The following GPR39 variants were observed in gnomAD, a reference collection of about 807,000 sequenced individuals.
GPR39 encodes zinc sensing receptor.
Under a neutral mutation model 18.4 loss-of-function variants are expected in GPR39, and 23 were observed. The ratio of observed to expected loss-of-function variants is 1.25; its 90% confidence interval spans 0.90 to 1.77. GPR39 has a LOEUF of 1.77. GPR39 is among the 40% of genes most tolerant of loss of function. The pLI is 0.00. For missense variants in GPR39, 647 were observed against 602.4 expected, an observed-to-expected ratio of 1.07 and a Z score of -0.78; for synonymous variants, 280 against 257.9, an observed-to-expected ratio of 1.09 and a Z score of -0.82.
chr2:132,542,825 C>T (rs1024833438), intron 1 of GPR39, among the ~76,000 whole-genome samples: 2 of 152,126 alleles, frequency 1.3e-5, no homozygotes, highest in Non-Finnish European at 2.9e-5. Context: ...AGTAGGGTCC[C>T]CTTTATCTGA....
chr2:132,620,543 C>T (rs1011882643), intron 1 of GPR39, among the ~76,000 whole-genome samples: 1 of 152,156 alleles, frequency 6.6e-6, no homozygotes. Context: ...GCCCCTCCTT[C>T]CCCCCTGCGT....
chr2:132,456,792 T>A (rs1187218708), intron 1 of GPR39, among the ~76,000 whole-genome samples: 1 of 152,224 alleles, frequency 6.6e-6, no homozygotes, highest in Non-Finnish European at 1.5e-5. Flanking sequence ...TCTTTAAGCA[T>A]GTTGAATATT....
intron 1 of GPR39, among the ~76,000 whole-genome samples, chr2:132,457,677 A>C (rs1680755121): frequency 6.6e-6 from 1 of 152,242 alleles, no homozygotes; most frequent in African/African-American, 2.4e-5. Context: ...GCTGTCAGAC[A>C]GGGACGTTTA....
chr2:132,594,296 C>T (rs563031463), intron 1 of GPR39, among the ~76,000 whole-genome samples: 12 of 152,190 alleles, frequency 7.9e-5, no homozygotes, highest in African/African-American at 2.4e-4. Flanking sequence ...TTGACGCTTT[C>T]CTGGGTCTTT....
intron 1 of GPR39, among the ~76,000 whole-genome samples, chr2:132,547,105 C>G (rs1679964559): frequency 6.6e-6 from 1 of 152,056 alleles, no homozygotes; most frequent in Non-Finnish European, 1.5e-5. Flanking sequence ...TATGAGGAAG[C>G]CCACTAATTG....
At chr2:132,590,818 C>CGTGTGTGTGTGTGTGT (rs3066458) in intron 1 of GPR39, among the ~76,000 whole-genome samples, 12 of 144,006 alleles carry the variant, frequency 8.3e-5, no homozygotes, top group African/African-American at 2.8e-4. Flanking sequence ...AAGTATTGTT[C>CGTGTGTGTGTGTGTGT]GTGTGTGTGT....
intron 1 of GPR39, among the ~76,000 whole-genome samples, chr2:132,609,149 G>A (rs570359710): frequency 1.2e-4 from 19 of 152,318 alleles, no homozygotes; most frequent in African/African-American, 4.6e-4. Flanking sequence ...TAGGTACGCG[G>A]CCATGGGCCC....
chr2:132,547,419 AC>A (rs2104791515), intron 1 of GPR39, among the ~76,000 whole-genome samples: 1 of 152,286 alleles, frequency 6.6e-6, no homozygotes, highest in East Asian at 1.9e-4. Flanking sequence ...CAAAGCTGGG[AC>A]TGTCACACCC....
chr2:132,457,395 G>C (rs1435395703), intron 1 of GPR39, among the ~76,000 whole-genome samples: 3 of 152,082 alleles, frequency 2.0e-5, no homozygotes, highest in Non-Finnish European at 4.4e-5. Flanking sequence ...TTTTTTTAAG[G>C]TTTTTAGCTT....
chr2:132,495,728 T>C (rs1199882387), intron 1 of GPR39, among the ~76,000 whole-genome samples: 1 of 152,072 alleles, frequency 6.6e-6, no homozygotes, highest in Admixed American at 6.6e-5. Context: ...CTTGGAGAAA[T>C]TTTATCAGTA....
intron 1 of GPR39, among the ~76,000 whole-genome samples, chr2:132,579,058 T>C (rs955746240): frequency 2.0e-5 from 3 of 151,886 alleles, no homozygotes; most frequent in African/African-American, 7.2e-5. Flanking sequence ...GCCTAGATTA[T>C]TGATTTGAGA....
rs569813475 is a variant in GPR39 at position 132,630,563 on chromosome 2, T to G, written c.857-14538T>G. 1.3e-3 allele frequency among the ~76,000 whole-genome samples: 197 copies of G among 152,262 alleles called. 1 individual carries two copies. The highest frequency in any genetic ancestry group is 4.6e-3 in the African/African-American group (193 of 41,544). ...GGTTAATAACAAGCCATCGAAAGGT[T>G]TTAAGCAAGGAGGTGATGTGAACTC... On this transcript the variant is annotated intron_variant, in intron 1 of 1. Coordinates refer to ENST00000329321, the MANE Select transcript of GPR39 (RefSeq NM_001508.3).
intron 1 of GPR39, among the ~76,000 whole-genome samples, chr2:132,619,759 C>T (rs759011439): frequency 6.6e-5 from 10 of 151,946 alleles, no homozygotes; most frequent in Non-Finnish European, 1.2e-4. Flanking sequence ...CATATACTCT[C>T]ATCAGTCCTT....
chr2:132,448,570 G>C (rs749940494), intron 1 of GPR39, among the ~76,000 whole-genome samples: 1 of 152,176 alleles, frequency 6.6e-6, no homozygotes, highest in South Asian at 2.1e-4. Flanking sequence ...AGCTGATGCC[G>C]AGTGCTGCCT....
chr2:132,597,749 C>T (rs1680970967), intron 1 of GPR39, among the ~76,000 whole-genome samples: 1 of 152,116 alleles, frequency 6.6e-6, no homozygotes, highest in African/African-American at 2.4e-5. Flanking sequence ...ATAGGGGAAC[C>T]CAAGTCAAAC....
At chr2:132,611,992 A>C (rs1052482653) in intron 1 of GPR39, among the ~76,000 whole-genome samples, 1 of 152,170 alleles carries the variant, frequency 6.6e-6, no homozygotes, top group East Asian at 1.9e-4. Context: ...CCAAGCAAAC[A>C]TGTGAGTTCA....
At chr2:132,585,559 G>A (rs944619686) in intron 1 of GPR39, among the ~76,000 whole-genome samples, 3 of 152,196 alleles carry the variant, frequency 2.0e-5, no homozygotes, top group Non-Finnish European at 4.4e-5. Context: ...CTGTGTGTGC[G>A]GACGGGGCCT....
At chr2:132,599,615 T>A (rs768953643) in intron 1 of GPR39, among the ~76,000 whole-genome samples, 1 of 152,178 alleles carries the variant, frequency 6.6e-6, no homozygotes, top group African/African-American at 2.4e-5. Context: ...TGATACTTCA[T>A]CACCAAAATA....
intron 1 of GPR39, among the ~76,000 whole-genome samples, chr2:132,563,432 G>T (rs1050664606): frequency 6.6e-6 from 1 of 152,124 alleles, no homozygotes; most frequent in African/African-American, 2.4e-5. Flanking sequence ...AAACTAGCTC[G>T]GCATGGTGGC....
Sources: gnomAD v4.1 joint callset for allele counts (sites outside exome capture counted in the v4.1 genomes callset) on GRCh38, gnomAD v4.1.1 for gene constraint, MANE v1.5 for transcripts, NCBI Gene and HGNC (gene_info 2026-07-23, HGNC 2026-07-21) for gene names.